Variants in SGCZ observed in about 807,000 individuals in gnomAD.
SGCZ encodes the protein zeta-sarcoglycan.
SGCZ carries 40 observed loss-of-function variants against 41.3 expected under a neutral mutation model. That is an observed-to-expected ratio of 0.97 (90% confidence interval 0.75 to 1.26). The LOEUF (loss-of-function observed/expected upper bound fraction) is 1.26, where lower values mean the gene tolerates loss of function less well. Among genes scored for constraint, SGCZ ranks in the 50% most tolerant of loss-of-function variants. The pLI is 0.00. For synonymous variants in SGCZ, 206 were observed against 137.5 expected (o/e 1.50, Z -3.49); for missense variants, 552 against 369.8 (o/e 1.49, Z -4.04).
chr8:14,395,042 G>C lies in SGCZ; in HGVS notation c.235-70838C>G, dbSNP rs1007643367. Among the ~76,000 whole-genome samples, 76 of 152,100 alleles carry C rather than the reference G, an allele frequency of 5.0e-4. 1 individual carries two copies. Among genetic ancestry groups the C allele is most frequent in the Non-Finnish European group, 2.4e-4 (16 of 68,018 alleles). ...TGATGTAGTGATAATATCTACCTCAGACAATTCTGAAGATTAAATCAAATT... is the reference window on the plus strand; with the variant it reads ...TGATGTAGTGATAATATCTACCTCACACAATTCTGAAGATTAAATCAAATT... On this transcript the variant is annotated intron_variant, in intron 2 of 7. Transcript: ENST00000382080.
intron 2 of SGCZ, among the ~76,000 whole-genome samples, chr8:14,467,725 T>C (rs762286373): frequency 2.0e-5 from 3 of 152,012 alleles, no homozygotes; most frequent in Non-Finnish European, 4.4e-5. Flanking sequence ...TACACTTCCA[T>C]CTTTCCAGAA....
intron 1 of SGCZ, among the ~76,000 whole-genome samples, chr8:14,861,829 CT>C (rs1401729682): frequency 4.6e-5 from 7 of 151,974 alleles, no homozygotes; most frequent in African/African-American, 1.7e-4. Context: ...GTCAGTTCTT[CT>C]TTGGTGAAAG....
chr8:14,921,432 T>G (rs1353099957), intron 1 of SGCZ, among the ~76,000 whole-genome samples: 1 of 152,118 alleles, frequency 6.6e-6, no homozygotes, highest in Non-Finnish European at 1.5e-5. Context: ...ATCTATCAAG[T>G]TGTAAAGATT....
intron 1 of SGCZ, among the ~76,000 whole-genome samples, chr8:15,139,047 T>C (rs937975585): frequency 2.6e-5 from 4 of 152,212 alleles, no homozygotes; most frequent in Non-Finnish European, 4.4e-5. Flanking sequence ...TTGGTCTTTA[T>C]ATACATTTCC....
chr8:15,017,793 G>A (rs970516921), intron 1 of SGCZ, among the ~76,000 whole-genome samples: 9 of 152,106 alleles, frequency 5.9e-5, no homozygotes, highest in East Asian at 5.8e-4. Flanking sequence ...GGTGTGAGCC[G>A]TGGTGCCTGG....
At chr8:14,807,894 T>C (rs1171830896) in intron 1 of SGCZ, among the ~76,000 whole-genome samples, 1 of 151,990 alleles carries the variant, frequency 6.6e-6, no homozygotes, top group East Asian at 1.9e-4. Context: ...TATAGATCAA[T>C]GGAACAGAAC....
At chr8:14,507,372 T>G (rs1251132528) in intron 2 of SGCZ, among the ~76,000 whole-genome samples, 3 of 152,162 alleles carry the variant, frequency 2.0e-5, no homozygotes, top group Non-Finnish European at 4.4e-5. Context: ...TAAAATCTTC[T>G]AATACATCCC....
chr8:14,241,588 T>C (rs546732908), intron 3 of SGCZ, among the ~76,000 whole-genome samples: 222 of 151,798 alleles, frequency 1.5e-3, no homozygotes, highest in African/African-American at 4.9e-3. Context: ...ATGTAGTTAT[T>C]TTTCCTCCAA....
intron 1 of SGCZ, among the ~76,000 whole-genome samples, chr8:14,642,394 A>C (rs1315309235): frequency 1.3e-5 from 2 of 151,736 alleles, no homozygotes; most frequent in South Asian, 4.1e-4. Flanking sequence ...TAATATCTAT[A>C]GACAAATCTC....
intron 1 of SGCZ, among the ~76,000 whole-genome samples, chr8:15,123,203 A>C (rs1807553687): frequency 6.6e-6 from 1 of 152,092 alleles, no homozygotes; most frequent in Admixed American, 6.6e-5. Flanking sequence ...TAGCATCCTA[A>C]GTTTTTTCCA....
chr8:15,164,612 C>A (rs1453602883), intron 1 of SGCZ, among the ~76,000 whole-genome samples: 1 of 150,860 alleles, frequency 6.6e-6, no homozygotes, highest in Non-Finnish European at 1.5e-5. Flanking sequence ...CTCTTCTCCA[C>A]CCCATCAGCA....
At chr8:14,458,726 A>T (rs1412181283) in intron 2 of SGCZ, among the ~76,000 whole-genome samples, 1 of 152,106 alleles carries the variant, frequency 6.6e-6, no homozygotes, top group Non-Finnish European at 1.5e-5. Context: ...CCTACCTATA[A>T]TCTATCTATT....
intron 1 of SGCZ, among the ~76,000 whole-genome samples, chr8:14,979,160 T>A (rs1377793686): frequency 6.6e-6 from 1 of 152,174 alleles, no homozygotes; most frequent in Non-Finnish European, 1.5e-5. Flanking sequence ...ATATTAAAAA[T>A]TATGAATACA....
chr8:14,253,335 G>A (rs1308888396), intron 3 of SGCZ, among the ~76,000 whole-genome samples: 1 of 151,780 alleles, frequency 6.6e-6, no homozygotes, highest in Non-Finnish European at 1.5e-5. Context: ...GATCTTACGT[G>A]AAATCATAAG....
intron 3 of SGCZ, among the ~76,000 whole-genome samples, chr8:14,301,241 G>C (rs1195930022): frequency 6.6e-6 from 1 of 151,850 alleles, no homozygotes; most frequent in South Asian, 2.1e-4. Context: ...TATTATTTAA[G>C]CTAAGAGTCT....
intron 1 of SGCZ, among the ~76,000 whole-genome samples, chr8:15,176,783 C>T (rs1336024085): frequency 1.3e-5 from 2 of 152,158 alleles, no homozygotes; most frequent in Non-Finnish European, 2.9e-5. Flanking sequence ...GGGCGGATCA[C>T]AAGGTCAGGA....
intron 1 of SGCZ, among the ~76,000 whole-genome samples, chr8:15,234,363 T>G (rs1414055402): frequency 2.0e-5 from 3 of 152,230 alleles, no homozygotes; most frequent in East Asian, 3.8e-4. Context: ...TTGGATTTTT[T>G]GATGTTTCTT....
intron 5 of SGCZ, among the ~76,000 whole-genome samples, chr8:14,142,779 T>C (rs1803409624): frequency 6.6e-6 from 1 of 152,068 alleles, no homozygotes; most frequent in South Asian, 2.1e-4. Context: ...GGTGCTGTCA[T>C]CCCTGTTGTG....
rs192638744 is a variant in SGCZ at position 14,739,487 on chromosome 8, T to C, written c.40-184561A>G. 1.1e-3 allele frequency among the ~76,000 whole-genome samples: 173 copies of C among 152,208 alleles called. 1 individual carries two copies. Among genetic ancestry groups the C allele is most frequent in the African/African-American group, 3.9e-3 (160 of 41,554 alleles). On this transcript the variant is annotated intron_variant, in intron 1 of 7. Transcript: ENST00000382080. ...TTATCCAGATTACCATTTTGGAATA[T>C]AGAGTTTACATATTCTGTCTCTCTT... is the stretch of plus-strand genomic sequence containing the variant.
Sources: gnomAD v4.1 joint callset for allele counts (sites outside exome capture counted in the v4.1 genomes callset) on GRCh38, gnomAD v4.1.1 for gene constraint, MANE v1.5 for transcripts, NCBI Gene and HGNC (gene_info 2026-07-23, HGNC 2026-07-21) for gene names.